The following MPDZ variants were observed in gnomAD, a reference collection of about 807,000 sequenced individuals.
MPDZ encodes multiple PDZ domain protein.
Under a neutral mutation model 239.1 loss-of-function variants are expected in MPDZ, and 234 were observed. The observed-to-expected ratio is 0.98, with a 90% confidence interval of 0.88 to 1.09. The LOEUF (loss-of-function observed/expected upper bound fraction) is 1.09. Ranked by LOEUF, MPDZ falls within the 50% of genes least tolerant of loss-of-function variation. MPDZ has a pLI of 0.00. For missense variants in MPDZ, 3,175 were observed against 2,510.0 expected (o/e 1.26, Z -5.66); for synonymous variants, 1,048 against 881.3 (o/e 1.19, Z -3.35).
In MPDZ at chr9:13,190,192, G is replaced by T; in HGVS notation, c.2076C>A (p.Ala692=). The change falls in exon 16 of 47, where the codon GCC becomes GCA. Residue 692 remains alanine (A), a synonymous_variant. Coordinates refer to ENST00000319217, the MANE Select transcript of MPDZ (RefSeq NM_001378778.1). ...TGTGCTGAATGCCAGCCTCCCACAT[G>T]GCCAAAGGTGCTTGAACCTCTTCTG... The part of the protein sequence containing the change: ...QSTEEVQAPL[A]MWEAGIQHIE... 6.2e-7 allele frequency: 1 copy of T among 1,613,196 alleles called. No homozygotes were observed. The highest frequency in any genetic ancestry group is 2.2e-5 in the East Asian group (1 of 44,736).
At position 13,121,870 on chromosome 9, in the gene MPDZ, C is replaced by G. The variant is rs775365666; in HGVS notation, c.5100G>C (p.Thr1700=). ...HDEAINVLRQ[T]PQRVRLTLYR... is the part of the protein sequence containing the mutation. ...AGAGTGTCAGGCGCACTCTCTGTGGCGTCTGTCTCAGGACATTGATTGCTT... is the reference window on the plus strand; with the variant it reads ...AGAGTGTCAGGCGCACTCTCTGTGGGGTCTGTCTCAGGACATTGATTGCTT... Residue 1700 remains threonine, a synonymous_variant, in exon 38 of 47, where the codon ACG becomes ACC. Coordinates refer to ENST00000319217, the MANE Select transcript of MPDZ (RefSeq NM_001378778.1). 8 of 1,613,856 alleles carry G rather than the reference C, an allele frequency of 5.0e-6. No individual in the cohort carries two copies. The highest frequency in any genetic ancestry group is 6.8e-6 in the Non-Finnish European group (8 of 1,179,830).
chr9:13,114,847 C>G (rs540992562), intron 40 of MPDZ, among the ~76,000 whole-genome samples: 36 of 152,142 alleles, frequency 2.4e-4, no homozygotes, highest in African/African-American at 8.4e-4. Flanking sequence ...TTGCAGTGAG[C>G]TGAGATTGTG....
chr9:13,155,634 C>A (rs1416365848), intron 24 of MPDZ, among the ~76,000 whole-genome samples: 1 of 152,026 alleles, frequency 6.6e-6, no homozygotes, highest in African/African-American at 2.4e-5. Flanking sequence ...TAAAATACAG[C>A]CCATTTTATA....
chr9:13,134,577 A>G (rs1174809283), intron 31 of MPDZ: 3 of 152,118 alleles, frequency 2.0e-5, no homozygotes, highest in African/African-American at 4.8e-5. Context: ...TAATCACCAA[A>G]GTTCCTCTAA....
intron 3 of MPDZ, among the ~76,000 whole-genome samples, chr9:13,244,329 C>T (rs781198517): frequency 3.9e-5 from 6 of 152,134 alleles, no homozygotes; most frequent in Admixed American, 2.0e-4. Context: ...GTCATGAATA[C>T]GCATTAAGCC....
At chr9:13,176,500 C>A (rs1198505948) in intron 19 of MPDZ, 83 bp from the exon 20 acceptor site, 5 of 1,095,500 alleles carry the variant, frequency 4.6e-6, no homozygotes, top group Non-Finnish European at 4.9e-6. Flanking sequence ...TCTTAATGAA[C>A]AACTATTTAG....
chr9:13,234,755 A>G (rs1191991458), intron 3 of MPDZ, among the ~76,000 whole-genome samples: 1 of 152,162 alleles, frequency 6.6e-6, no homozygotes, highest in East Asian at 1.9e-4. Flanking sequence ...GTAATGAGAA[A>G]CAAGAAATAA....
chr9:13,187,524 G>C (rs956374046), intron 17 of MPDZ, among the ~76,000 whole-genome samples: 1 of 151,952 alleles, frequency 6.6e-6, no homozygotes, highest in Non-Finnish European at 1.5e-5. Context: ...AGCCTGGTTC[G>C]ATTTCAGATT....
At chr9:13,169,655 CA>C (rs201823580) in intron 21 of MPDZ, among the ~76,000 whole-genome samples, 11 of 150,616 alleles carry the variant, frequency 7.3e-5, no homozygotes, top group African/African-American at 2.7e-4. Context: ...GAGGCCATTA[CA>C]AAAAAAAAGA....
intron 5 of MPDZ, 45 bp from the exon 6 acceptor site, chr9:13,222,491 C>T: frequency 6.8e-7 from 1 of 1,468,944 alleles, no homozygotes; most frequent in Non-Finnish European, 9.5e-7. Flanking sequence ...TGAGAGTTCT[C>T]AAGGAAATGA....
At chr9:13,202,643 T>C (rs1956524504) in intron 12 of MPDZ, among the ~76,000 whole-genome samples, 1 of 152,194 alleles carries the variant, frequency 6.6e-6, no homozygotes, top group Admixed American at 6.5e-5. Context: ...CCTAGGTGGA[T>C]TTCCAGTGAA....
intron 38 of MPDZ, chr9:13,119,942 G>C (rs1327218370): frequency 3.0e-6 from 1 of 338,766 alleles, no homozygotes; most frequent in Non-Finnish European, 5.5e-6. Flanking sequence ...TGGGTCACTC[G>C]GCTACTAAGT....
rs193221725 is a variant in MPDZ at position 13,122,705 on chromosome 9, T to C, written c.4953+448A>G. On this transcript the variant is annotated intron_variant, in intron 36 of 46. Coordinates refer to ENST00000319217, the MANE Select transcript of MPDZ (RefSeq NM_001378778.1). ...CTAGTTTTTGTATTTTTAGTAGAGATAGGGTTTTGCCATGTTGAACAGGCT... is the reference window on the plus strand; with the variant it reads ...CTAGTTTTTGTATTTTTAGTAGAGACAGGGTTTTGCCATGTTGAACAGGCT... 1.1e-4 allele frequency among the ~76,000 whole-genome samples: 16 copies of C among 152,070 alleles called. No individual in the cohort carries two copies. The East Asian group carries it at 2.1e-3, about 20-fold the overall frequency.
At position 13,247,812 on chromosome 9, in the gene MPDZ, G is replaced by C. The variant is rs1966848593; in HGVS notation, c.17-11C>G. 8 of 1,587,848 alleles carry C rather than the reference G, an allele frequency of 5.0e-6. No homozygotes were observed. Among genetic ancestry groups the C allele is most frequent in the Non-Finnish European group, 6.9e-6 (8 of 1,160,054 alleles). ...GGGCCCGATTTTTGTCTATACCAAA[G>C]AGCAGCATTTGTCAATAACAGGATT... On this transcript the variant is annotated splice_polypyrimidine_tract_variant and intron_variant, in intron 2 of 46. Coordinates refer to ENST00000319217, the MANE Select transcript of MPDZ (RefSeq NM_001378778.1).
intron 3 of MPDZ, among the ~76,000 whole-genome samples, chr9:13,238,623 C>A (rs1041429259): frequency 1.3e-5 from 2 of 152,118 alleles, no homozygotes; most frequent in Non-Finnish European, 2.9e-5. Flanking sequence ...TTACCCCAGA[C>A]AACAATGCTA....
intron 1 of MPDZ, among the ~76,000 whole-genome samples, chr9:13,263,767 C>T (rs187944230): frequency 7.1e-4 from 108 of 152,084 alleles, no homozygotes; most frequent in Non-Finnish European, 8.5e-4. Context: ...TTTGAACATA[C>T]GTTCAAAAAC....
Position 13,240,385 on chromosome 9 carries a change from T to C in MPDZ, c.183+7250A>G, listed in dbSNP as rs184374769. ...AACCAGAATGAAGTACTGGTTTACG[T>C]TAAAAAGAATCTATGATTAAAATCT... On this transcript the variant is annotated intron_variant, in intron 3 of 46. Coordinates refer to ENST00000319217, the MANE Select transcript of MPDZ (RefSeq NM_001378778.1). 2.0e-4 allele frequency among the ~76,000 whole-genome samples: 30 copies of C among 151,578 alleles called. No homozygotes were observed. The East Asian group carries it at 4.3e-3, about 22-fold the overall frequency.
chr9:13,188,684 A>G, intron 17 of MPDZ, 100 bp downstream of exon 17: 1 of 960,008 alleles, frequency 1.0e-6, no homozygotes, highest in African/African-American at 1.6e-5. Flanking sequence ...AAACTACTAA[A>G]AGTCACGATT....
At chr9:13,184,920 T>C (rs1953885149) in intron 18 of MPDZ, among the ~76,000 whole-genome samples, 1 of 151,982 alleles carries the variant, frequency 6.6e-6, no homozygotes, top group Non-Finnish European at 1.5e-5. Flanking sequence ...CAAGCTCACA[T>C]AAAAGTGGAA....
Sources: allele counts gnomAD v4.1 joint callset (sites outside exome capture counted in the v4.1 genomes callset), GRCh38; gene constraint gnomAD v4.1.1; transcripts MANE v1.5; gene names NCBI Gene and HGNC (gene_info 2026-07-23, HGNC 2026-07-21).